SIDT2: variants seen among roughly 807,000 people sequenced by gnomAD.
The protein encoded by SIDT2 is SID1 transmembrane family member 2, also known as SID1 transmembrane family, member 2.
SIDT2 carries 68 observed loss-of-function variants against 114.4 expected under a neutral mutation model. The ratio of observed to expected loss-of-function variants is 0.59; its 90% confidence interval spans 0.49 to 0.73. The LOEUF (loss-of-function observed/expected upper bound fraction) is 0.73. Among genes scored for constraint, SIDT2 ranks in the 30% least tolerant of loss-of-function variants. The pLI is 0.00. For missense variants in SIDT2, 918 were observed against 1,097.1 expected, an observed-to-expected ratio of 0.84 and a Z score of 2.31; for synonymous variants, 470 against 438.4, an observed-to-expected ratio of 1.07 and a Z score of -0.90.
At chr11:117,189,874 A>G in intron 15 of SIDT2, 78 bp from the exon 16 acceptor site, 1 of 1,468,896 alleles carries the variant, frequency 6.8e-7, no homozygotes, top group Non-Finnish European at 9.5e-7. Flanking sequence ...GTTTTTTGCC[A>G]AAGGGGCCCG....
At position 117,192,064 on chromosome 11, in the gene SIDT2, G is replaced by A. The variant is rs913094578; in HGVS notation, c.1872+50G>A. 3.7e-6 allele frequency: 6 copies of A among 1,610,200 alleles called. No individual in the cohort carries two copies. Among genetic ancestry groups the A allele is most frequent in the East Asian group, 4.5e-5 (2 of 44,796 alleles). On this transcript the variant is annotated intron_variant, in intron 19 of 25. Coordinates refer to ENST00000324225, the MANE Select transcript of SIDT2 (RefSeq NM_001040455.2). The surrounding 1 kb of genome is among the most constrained non-coding windows in gnomAD (Gnocchi z 5.9). ...AGCCTGTATGATAGGAAAGGTGCACGTGCGTTCAGACACGTAGTGCACACC... is the reference window on the plus strand; with the variant it reads ...AGCCTGTATGATAGGAAAGGTGCACATGCGTTCAGACACGTAGTGCACACC...
At position 117,181,736 on chromosome 11, in the gene SIDT2, G is replaced by A. The variant is rs375105546; in HGVS notation, c.306-71G>A. On this transcript the variant is annotated intron_variant, in intron 2 of 25. Coordinates refer to ENST00000324225, the MANE Select transcript of SIDT2 (RefSeq NM_001040455.2). ...TGGAGACCAGACGGGGCGAGGTGGG[G>A]CCTCGCTCCTCTGGAGGGGCAGGCC... 1.7e-3 allele frequency: 2,676 copies of A among 1,601,248 alleles called. 58 individuals carry two copies. The South Asian group carries it at 0.028, about 17-fold the overall frequency.
chr11:117,186,539 C>T, intron 9 of SIDT2, 45 bp from the exon 10 acceptor site: 1 of 1,522,146 alleles, frequency 6.6e-7, no homozygotes, highest in Non-Finnish European at 8.8e-7. Flanking sequence ...CAGAGTGATC[C>T]TTGTCCTGTC....
In SIDT2 at chr11:117,194,148, A is replaced by G. The variant is rs973077665; in HGVS notation, c.2322+185A>G. On this transcript the variant is annotated intron_variant, in intron 24 of 25. Transcript: ENST00000324225. ...AGAACCCGTCTCTACAAAAAATAAA[A>G]AAATAAAAATAAAAAAATTAGCCTG... 136 of 520,304 alleles carry G rather than the reference A, an allele frequency of 2.6e-4. 1 individual carries two copies. The highest frequency in any genetic ancestry group is 3.6e-4 in the Non-Finnish European group (105 of 293,196). 32.2% of individuals were successfully genotyped at this position (520,304 alleles called of 1,614,324 possible). A position where few individuals can be genotyped will look rare whatever the true frequency, so the allele number is the denominator to read the frequency against.
In SIDT2 at chr11:117,179,018, C is replaced by T. The variant is rs2030139783; in HGVS notation, c.-246C>T. 4 of 542,790 alleles carry T rather than the reference C, an allele frequency of 7.4e-6. No individual in the cohort carries two copies. Among genetic ancestry groups the T allele is most frequent in the Non-Finnish European group, 1.3e-5 (4 of 305,410 alleles). 33.6% of individuals were successfully genotyped at this position (542,790 alleles called of 1,614,324 possible). A position where few individuals can be genotyped will look rare whatever the true frequency, so the allele number is the denominator to read the frequency against. ...CTCAGCCCCTCGCGAGCTGGGACCC[C>T]TTCCCGTAGCCAGCATCCCCTCCCT... is the stretch of plus-strand genomic sequence containing the variant. On this transcript the variant is annotated 5_prime_UTR_variant, in exon 1 of 26. Transcript: ENST00000324225.
At chr11:117,183,654 C>T (rs200990477) in intron 6 of SIDT2, 125 bp from the exon 7 acceptor site, 2 of 701,082 alleles carry the variant, frequency 2.9e-6, no homozygotes, top group Non-Finnish European at 4.7e-6. Flanking sequence ...AAAAAAAAAT[C>T]TTGTGAGGAT....
At position 117,182,176 on chromosome 11, in the gene SIDT2, C is replaced by T. The variant is rs190696299; in HGVS notation, c.516+71C>T. 360 of 1,558,794 alleles carry T rather than the reference C, an allele frequency of 2.3e-4. 3 individuals carry two copies. The East Asian group carries it at 6.5e-3, about 28-fold the overall frequency. ...TGAATATGAGAATGGGAGTGGCCAG[C>T]GGTCTTTGCTTGGCCTTTTGAATTG... On this transcript the variant is annotated intron_variant, in intron 4 of 25. Transcript: ENST00000324225.
At position 117,190,960 on chromosome 11, in the gene SIDT2, C is replaced by T; in HGVS notation, c.1735+220C>T. ...TATTCCTATGTAAAGGCATGTGCCG[C>T]AGTGAAGAAAACAGTATAATTAAGA... On this transcript the variant is annotated intron_variant, in intron 18 of 25. Coordinates refer to ENST00000324225, the MANE Select transcript of SIDT2 (RefSeq NM_001040455.2). The surrounding 1 kb of genome is among the most constrained non-coding windows in gnomAD (Gnocchi z 4.1). The T allele has an allele frequency of 1.9e-6, 1 of 516,688 alleles. No individual in the cohort carries two copies. Among genetic ancestry groups the T allele is most frequent in the Non-Finnish European group, 3.5e-6 (1 of 287,316 alleles). 32.0% of individuals were successfully genotyped at this position (516,688 alleles called of 1,614,324 possible).
At position 117,192,401 on chromosome 11, in the gene SIDT2, T is replaced by TG. The variant is rs745866877; in HGVS notation, c.1981+45dup. 3.5e-6 allele frequency: 5 copies of TG among 1,432,604 alleles called. No individual in the cohort carries two copies. The highest frequency in any genetic ancestry group is 1.1e-5 in the South Asian group (1 of 87,460). The allele number at this position is 1,432,604 out of a possible 1,614,324, so 88.7% of individuals were successfully genotyped here. ...CGGGGCAGGGCCTGGGGGAGGGGTC[T>TG]GGGGGGCCTTGGGAACCCGGACGCA... On this transcript the variant is annotated intron_variant, in intron 20 of 25. Coordinates refer to ENST00000324225, the MANE Select transcript of SIDT2 (RefSeq NM_001040455.2). The surrounding 1 kb of genome is among the most constrained non-coding windows in gnomAD (Gnocchi z 5.9).
At chr11:117,181,268 A>G in intron 1 of SIDT2, 148 bp from the exon 2 acceptor site, 1 of 1,118,704 alleles carries the variant, frequency 8.9e-7, no homozygotes, top group Non-Finnish European at 1.3e-6. Context: ...TTGTTCTGGC[A>G]GAAGAAGAGG....
At chr11:117,184,508 C>A (rs937749244) in intron 8 of SIDT2, among the ~76,000 whole-genome samples, 5 of 152,174 alleles carry the variant, frequency 3.3e-5, no homozygotes, top group Non-Finnish European at 7.3e-5. Flanking sequence ...CCTAATTTGT[C>A]ATTGAAACAC....
intron 18 of SIDT2, chr11:117,191,275 CAAA>C (rs58193139): frequency 5.6e-5 from 6 of 106,312 alleles, no homozygotes; most frequent in Non-Finnish European, 7.7e-5. Flanking sequence ...GACTCCGTCT[CAAA>C]AAAAAAAAAA....
At position 117,186,126 on chromosome 11, in the gene SIDT2, G is replaced by C. The variant is rs771763810; in HGVS notation, c.869-4G>C. The C allele has an allele frequency of 1.2e-6, 2 of 1,613,968 alleles. No individual in the cohort carries two copies. The highest frequency in any genetic ancestry group is 3.3e-5 in the Admixed American group (2 of 60,008). On this transcript the variant is annotated splice_polypyrimidine_tract_variant and splice_region_variant and intron_variant, in intron 8 of 25. Coordinates refer to ENST00000324225, the MANE Select transcript of SIDT2 (RefSeq NM_001040455.2). ...CTGTCCACCTTCCTGTTTCCTCCTT[G>C]AAGCTGAGGCATACGTCAGTGGGAT...
chr11:117,189,438 T>G (rs2030621081), intron 15 of SIDT2, 37 bp downstream of exon 15: 1 of 1,603,386 alleles, frequency 6.2e-7, no homozygotes. Flanking sequence ...TCCGACAGCC[T>G]AGGACACCGC....
chr11:117,186,218 CTGGAGGTAAAG>C lies in SIDT2; in HGVS notation c.962_962+10del. ...CCGTCCTCCTGGCCTGCTGGGAGAA[CTGGAGGTAAAG>C]TGGAACTGCTGGGCCTCCCCTGGTC... On this transcript the variant is annotated splice_donor_variant and splice_donor_5th_base_variant and coding_sequence_variant and intron_variant, in exon 9 of 26. Coordinates refer to ENST00000324225, the MANE Select transcript of SIDT2 (RefSeq NM_001040455.2). LOFTEE classifies it high-confidence loss of function. 1.9e-6 allele frequency: 3 copies of C among 1,614,074 alleles called. No individual in the cohort carries two copies. The highest frequency in any genetic ancestry group is 2.5e-6 in the Non-Finnish European group (3 of 1,179,982).
At position 117,193,259 on chromosome 11, in the gene SIDT2, G is replaced by A; in HGVS notation, c.2211+1G>A. Reference sequence around the variant, plus strand: ...CTTCGCCTTCTACATCATCATGAAGGTGAGTGGGGCTGGCCAAGCCCCCTC... The same window carrying A: ...CTTCGCCTTCTACATCATCATGAAGATGAGTGGGGCTGGCCAAGCCCCCTC... On this transcript the variant is annotated splice_donor_variant, in intron 23 of 25. Transcript: ENST00000324225. LOFTEE classifies it high-confidence loss of function. The A allele has an allele frequency of 1.2e-6, 2 of 1,612,658 alleles. No individual in the cohort carries two copies. Among genetic ancestry groups the A allele is most frequent in the Non-Finnish European group, 1.7e-6 (2 of 1,179,026 alleles).
In SIDT2 at chr11:117,190,778, G is replaced by C. The variant is rs547122483; in HGVS notation, c.1735+38G>C. On this transcript the variant is annotated intron_variant, in intron 18 of 25. Transcript: ENST00000324225. This position sits in a 1 kb window ranked among gnomAD's most constrained non-coding sequence, Gnocchi z 4.1. ...TCCTTCTTTTCTGGCTCAACCTACA[G>C]CAGGGACCTGCCTGAGTCCTTCACT... is the stretch of plus-strand genomic sequence containing the variant. 3 of 1,518,542 alleles carry C rather than the reference G, an allele frequency of 2.0e-6. No individual in the cohort carries two copies. The highest frequency in any genetic ancestry group is 3.3e-5 in the Admixed American group (2 of 59,792). The allele number at this position is 1,518,542 out of a possible 1,614,324, so 94.1% of individuals were successfully genotyped here.
In SIDT2 at chr11:117,179,704, T is replaced by A. The variant is rs893972506; in HGVS notation, c.183+258T>A. On this transcript the variant is annotated intron_variant, in intron 1 of 25. Coordinates refer to ENST00000324225, the MANE Select transcript of SIDT2 (RefSeq NM_001040455.2). ...TCCGCCCCCATTCTTCCATCAGTTG[T>A]GGTCTGAGCACACATGGCTTGCTCT... 4.9e-5 allele frequency: 23 copies of A among 470,512 alleles called. No homozygotes were observed. The Admixed American group carries it at 8.9e-4, about 18-fold the overall frequency. The allele number at this position is 470,512 out of a possible 1,614,324, so 29.1% of individuals were successfully genotyped here. A position where few individuals can be genotyped will look rare whatever the true frequency, so the allele number is the denominator to read the frequency against.
intron 13 of SIDT2, 149 bp from the exon 14 acceptor site, chr11:117,189,020 C>A (rs2030604381): frequency 2.0e-6 from 2 of 1,001,952 alleles, no homozygotes; most frequent in Non-Finnish European, 3.1e-6. Flanking sequence ...CCCTCTTGGT[C>A]TAAGCGGCCG....
Sources: gnomAD v4.1 joint callset for allele counts (sites outside exome capture counted in the v4.1 genomes callset) on GRCh38, gnomAD v4.1.1 for gene constraint, Gnocchi (gnomAD v3.1) non-coding constraint, MANE v1.5 for transcripts, NCBI Gene and HGNC (gene_info 2026-07-23, HGNC 2026-07-21) for gene names.